The following FANCL variants were observed in gnomAD, a reference collection of about 807,000 sequenced individuals.
The protein encoded by FANCL is FA complementation group L.
FANCL carries 69 observed loss-of-function variants against 59.4 expected under a neutral mutation model. The observed-to-expected ratio is 1.16, with a 90% CI of 0.96 to 1.42. The LOEUF is 1.42. FANCL is among the 40% of genes most tolerant of loss of function. The pLI, the probability that FANCL is intolerant of heterozygous loss-of-function variation, is 0.00. For synonymous variants in FANCL, 180 were observed against 147.1 expected (o/e 1.22, Z -1.62); for missense variants, 519 against 447.2 (o/e 1.16, Z -1.45).
At chr2:58,201,716 T>A (rs2105126024) in intron 6 of FANCL, among the ~76,000 whole-genome samples, 1 of 152,068 alleles carries the variant, frequency 6.6e-6, no homozygotes, top group South Asian at 2.1e-4. Flanking sequence ...AACCAAAAAA[T>A]TTATCTGGTT....
At chr2:58,235,661 G>A (rs542271307) in intron 1 of FANCL, among the ~76,000 whole-genome samples, 1 of 151,972 alleles carries the variant, frequency 6.6e-6, no homozygotes, top group African/African-American at 2.4e-5. Context: ...AAGAAGCAAG[G>A]CAATACCCAC....
At chr2:58,180,652 C>A (rs916850086) in intron 7 of FANCL, among the ~76,000 whole-genome samples, 1 of 152,142 alleles carries the variant, frequency 6.6e-6, no homozygotes, top group Middle Eastern at 3.4e-3. Context: ...CACGTGTATA[C>A]CTATGTAACA....
intron 7 of FANCL, among the ~76,000 whole-genome samples, chr2:58,171,007 A>G (rs1481869303): frequency 6.6e-6 from 1 of 152,212 alleles, no homozygotes; most frequent in African/African-American, 2.4e-5. Flanking sequence ...AGTTGAACTC[A>G]GCTCTGGACC....
Position 58,159,638 on chromosome 2 carries a change from G to A in FANCL, c.*127C>T, listed in dbSNP as rs192754138. On this transcript the variant is annotated 3_prime_UTR_variant, in exon 14 of 14. Coordinates refer to ENST00000233741, the MANE Select transcript of FANCL (RefSeq NM_018062.4). ...ACAAACGCAGATGTTTATTATTATC[G>A]CATCATCATACCTGTCCTTTTGATG... The A allele has an allele frequency of 1.5e-4, 243 of 1,613,596 alleles. No homozygotes were observed. The East Asian group carries it at 3.4e-3, about 23-fold the overall frequency.
At chr2:58,166,226 A>G (rs1685943369) in intron 7 of FANCL, among the ~76,000 whole-genome samples, 1 of 152,200 alleles carries the variant, frequency 6.6e-6, no homozygotes, top group African/African-American at 2.4e-5. Flanking sequence ...CTAACATTGG[A>G]CCTATACAAA....
At chr2:58,225,384 T>C (rs1333797558) in intron 4 of FANCL, among the ~76,000 whole-genome samples, 2 of 151,966 alleles carry the variant, frequency 1.3e-5, no homozygotes, top group Non-Finnish European at 2.9e-5. Context: ...TGATGAGAAG[T>C]TCTCTACAGA....
chr2:58,194,212 C>T (rs778580417), intron 7 of FANCL: 35 of 471,048 alleles, frequency 7.4e-5, no homozygotes, highest in South Asian at 5.0e-4. Context: ...CAAGCCTGCA[C>T]TTAGTGGCAC....
intron 7 of FANCL, among the ~76,000 whole-genome samples, chr2:58,179,511 T>C (rs554466416): frequency 6.6e-6 from 1 of 152,062 alleles, no homozygotes; most frequent in South Asian, 2.1e-4. Flanking sequence ...TTAAACGGTG[T>C]TGGGAAAACT....
chr2:58,174,436 G>A (rs1406824789), intron 7 of FANCL, among the ~76,000 whole-genome samples: 2 of 152,098 alleles, frequency 1.3e-5, no homozygotes, highest in Non-Finnish European at 2.9e-5. Flanking sequence ...ATAACAAACT[G>A]TCTCTCAGAC....
intron 11 of FANCL, among the ~76,000 whole-genome samples, chr2:58,162,014 C>T (rs562382460): frequency 1.3e-5 from 2 of 151,838 alleles, no homozygotes; most frequent in Non-Finnish European, 2.9e-5. Flanking sequence ...CACAGCTAGG[C>T]TAAAAAAAGA....
intron 5 of FANCL, 67 bp downstream of exon 5, chr2:58,221,875 C>A: frequency 8.6e-7 from 1 of 1,157,954 alleles, no homozygotes; most frequent in East Asian, 2.6e-5. Flanking sequence ...ACTGCTAAAA[C>A]TAGAAATACA....
At chr2:58,219,171 AATATATATATAT>A (rs869094167) in intron 5 of FANCL, among the ~76,000 whole-genome samples, 254 of 19,252 alleles carry the variant, frequency 0.013, 14 homozygotes, top group African/African-American at 0.064. Context: ...AAAAAAAAAA[AATATATATATAT>A]ATATATATAT....
chr2:58,163,097 T>G, intron 9 of FANCL, 23 bp from the exon 10 acceptor site: 2 of 1,568,174 alleles, frequency 1.3e-6, no homozygotes, highest in Non-Finnish European at 1.8e-6. Flanking sequence ...AAAAAAAAAT[T>G]TAATAATTGC....
intron 4 of FANCL, among the ~76,000 whole-genome samples, chr2:58,225,089 G>A (rs60176808): frequency 6.6e-6 from 1 of 151,094 alleles, no homozygotes; most frequent in Non-Finnish European, 1.5e-5. Flanking sequence ...AACAAGCTTG[G>A]GTTATATTAA....
chr2:58,167,049 T>C (rs1573537375), intron 7 of FANCL, among the ~76,000 whole-genome samples: 2 of 152,258 alleles, frequency 1.3e-5, no homozygotes, highest in Non-Finnish European at 2.9e-5. Flanking sequence ...TTGTCTCTTC[T>C]AAAAATACAA....
intron 7 of FANCL, among the ~76,000 whole-genome samples, chr2:58,190,617 T>C (rs1688838236): frequency 6.6e-6 from 1 of 151,876 alleles, no homozygotes; most frequent in Non-Finnish European, 1.5e-5. Context: ...TAATTTTTCA[T>C]CACTCTAAAA....
intron 1 of FANCL, among the ~76,000 whole-genome samples, chr2:58,236,530 A>G (rs1481710040): frequency 6.6e-6 from 1 of 151,968 alleles, no homozygotes; most frequent in Admixed American, 6.6e-5. Context: ...ATTACAAAAA[A>G]GAATTCCAAT....
rs959083891 is a variant in FANCL, at chr2:58,162,799, C to T, written c.903+67G>A. On this transcript the variant is annotated intron_variant, in intron 11 of 13. Coordinates refer to ENST00000233741, the MANE Select transcript of FANCL (RefSeq NM_018062.4). ...CCTCCTTTTTCAGCCTCATTTTTCACTGAGAGAAGCATTTAAACTTCATTA... is the reference window on the plus strand; with the variant it reads ...CCTCCTTTTTCAGCCTCATTTTTCATTGAGAGAAGCATTTAAACTTCATTA... 23 of 1,349,500 alleles carry T rather than the reference C, an allele frequency of 1.7e-5. No individual in the cohort carries two copies. The South Asian group carries it at 2.6e-4, about 15-fold the overall frequency. The allele number at this position is 1,349,500 out of a possible 1,614,324, so 83.6% of individuals were successfully genotyped here.
intron 7 of FANCL, among the ~76,000 whole-genome samples, chr2:58,178,866 T>A (rs1420615515): frequency 2.0e-5 from 3 of 152,178 alleles, no homozygotes; most frequent in African/African-American, 7.2e-5. Context: ...CTTAAGCTGA[T>A]AAGCAACATC....
Sources: allele counts gnomAD v4.1 joint callset (sites outside exome capture counted in the v4.1 genomes callset), GRCh38; gene constraint gnomAD v4.1.1; transcripts MANE v1.5; gene names NCBI Gene and HGNC (gene_info 2026-07-23, HGNC 2026-07-21).